ETV6: variants seen among roughly 807,000 people sequenced by gnomAD.
ETV6 encodes ETS variant transcription factor 6.
A neutral mutation model predicts 51.1 loss-of-function variants in ETV6; 16 were observed. The ratio of observed to expected loss-of-function variants is 0.31; its 90% CI spans 0.21 to 0.48. The LOEUF (loss-of-function observed/expected upper bound fraction) is 0.48. Ranked by LOEUF, ETV6 falls within the 20% of genes least tolerant of loss-of-function variation. The probability of loss-of-function intolerance (pLI) is 0.99; values close to 1 mark genes in which losing one functional copy is unlikely to be tolerated. For missense variants in ETV6, 458 were observed against 594.8 expected (o/e 0.77, Z 2.39); for synonymous variants, 240 against 224.1 (o/e 1.07, Z -0.64).
chr12:11,871,293 A>G (rs557229545), intron 5 of ETV6, among the ~76,000 whole-genome samples: 45 of 146,858 alleles, frequency 3.1e-4, no homozygotes, highest in African/African-American at 3.3e-4. Context: ...GGTTCACGTC[A>G]TTCTCCTGCC....
intron 3 of ETV6, chr12:11,840,733 A>G (rs1264849846): frequency 2.8e-5 from 9 of 325,746 alleles, no homozygotes; most frequent in Non-Finnish European, 4.9e-5. Context: ...TTGAAAGTTT[A>G]TATCTTCAAA....
chr12:11,652,622 T>G (rs1363318377), intron 1 of ETV6, among the ~76,000 whole-genome samples: 2 of 152,208 alleles, frequency 1.3e-5, no homozygotes, highest in African/African-American at 2.4e-5. Context: ...CCTGAAACCG[T>G]CCTCACTTGC....
At chr12:11,769,381 A>G in intron 2 of ETV6, among the ~76,000 whole-genome samples, 1 of 152,158 alleles carries the variant, frequency 6.6e-6, no homozygotes, top group South Asian at 2.1e-4. Flanking sequence ...CAAGGCCAAA[A>G]TATTTCTTAA....
At chr12:11,841,599 A>G (rs1268416878) in intron 3 of ETV6, among the ~76,000 whole-genome samples, 2 of 152,230 alleles carry the variant, frequency 1.3e-5, no homozygotes, top group African/African-American at 4.8e-5. Flanking sequence ...AGGTGGCAAT[A>G]GAAATTCATT....
intron 3 of ETV6, among the ~76,000 whole-genome samples, chr12:11,850,908 C>T (rs1233260747): frequency 2.0e-5 from 3 of 152,250 alleles, no homozygotes; most frequent in African/African-American, 7.2e-5. Flanking sequence ...CCAGAAGCAG[C>T]CACCAAGAGG....
chr12:11,715,393 C>G (rs918962090), intron 1 of ETV6, among the ~76,000 whole-genome samples: 1 of 152,150 alleles, frequency 6.6e-6, no homozygotes, highest in African/African-American at 2.4e-5. Context: ...TTACTAGATA[C>G]ATAGTGAGTG....
chr12:11,692,778 G>A lies in ETV6; in HGVS notation c.33+42618G>A, dbSNP rs1026350881. Among the ~76,000 whole-genome samples, 17 of 152,252 alleles carry A rather than the reference G, an allele frequency of 1.1e-4. No individual in the cohort carries two copies. The East Asian group carries it at 2.9e-3, about 26-fold the overall frequency. On this transcript the variant is annotated intron_variant, in intron 1 of 7. Transcript: ENST00000396373. Reference sequence around the variant, plus strand: ...TTTAGAATGCGTTATGAGGCCAGGCGTGGTGGTTCACGCCTGTAATCGCAG... The same window carrying A: ...TTTAGAATGCGTTATGAGGCCAGGCATGGTGGTTCACGCCTGTAATCGCAG...
Position 11,894,387 on chromosome 12 carries a change from G to C in ETV6, c.*3341G>C. On this transcript the variant is annotated 3_prime_UTR_variant, in exon 8 of 8. Coordinates refer to ENST00000396373, the MANE Select transcript of ETV6 (RefSeq NM_001987.5). ...AGAAGAAAGCACTGGTAATTGGCTA[G>C]ACTGGCTATGTTGAAGGTAACATGA... 4.3e-6 allele frequency: 1 copy of C among 232,658 alleles called. No homozygotes were observed. The highest frequency in any genetic ancestry group is 8.5e-6 in the Non-Finnish European group (1 of 117,912). 14.4% of individuals were successfully genotyped at this position (232,658 alleles called of 1,614,324 possible). A position where few individuals can be genotyped will look rare whatever the true frequency, so the allele number is the denominator to read the frequency against.
chr12:11,774,597 A>G (rs3802993), intron 2 of ETV6, among the ~76,000 whole-genome samples: 10,827 of 152,246 alleles, frequency 0.071, 747 homozygotes, highest in East Asian at 0.34. Context: ...AGAGGAATAA[A>G]CAAATGTAAA....
chr12:11,862,926 A>G (rs915569527), intron 4 of ETV6, among the ~76,000 whole-genome samples: 2 of 152,142 alleles, frequency 1.3e-5, no homozygotes, highest in East Asian at 3.9e-4. Flanking sequence ...CATACTTCCC[A>G]CTAATTTTTA....
chr12:11,735,220 C>G (rs1010167922), intron 1 of ETV6, among the ~76,000 whole-genome samples: 1 of 150,238 alleles, frequency 6.7e-6, no homozygotes, highest in Non-Finnish European at 1.5e-5. Flanking sequence ...CTGTAGTAGA[C>G]CCACCAACAT....
intron 1 of ETV6, among the ~76,000 whole-genome samples, chr12:11,704,841 A>T (rs1865043827): frequency 6.6e-6 from 1 of 152,114 alleles, no homozygotes; most frequent in East Asian, 1.9e-4. Context: ...AAAATTCCTA[A>T]TAGAATATAG....
At chr12:11,886,048 T>C in intron 7 of ETV6, 22 bp downstream of exon 7, 4 of 1,543,560 alleles carry the variant, frequency 2.6e-6, no homozygotes, top group African/African-American at 2.7e-5. Context: ...TTTTTCTCCT[T>C]TCCTTCTTTT....
chr12:11,751,743 A>G, intron 1 of ETV6: 1 of 410,756 alleles, frequency 2.4e-6, no homozygotes, highest in South Asian at 1.8e-5. Flanking sequence ...CTTTGAATGA[A>G]CTATGAAATA....
chr12:11,859,118 G>GCTTTTTTTT lies in ETV6; in HGVS notation c.463+5557_463+5558insCTTTTTTTT, dbSNP rs1565555150. 3.5e-3 allele frequency among the ~76,000 whole-genome samples: 145 copies of GCTTTTTTTT among 41,798 alleles called. 68 individuals are homozygous for GCTTTTTTTT. Among genetic ancestry groups the GCTTTTTTTT allele is most frequent in the African/African-American group, 7.2e-3 (103 of 14,396 alleles). 27.4% of individuals were successfully genotyped at this position (41,798 alleles called of 152,430 possible). ...TAAAGAAGATGAGGTATATGAATCT[G>GCTTTTTTTT]GTTTTTTTTTTTTTTTTTTTTTTTT... On this transcript the variant is annotated intron_variant, in intron 4 of 7. Coordinates refer to ENST00000396373, the MANE Select transcript of ETV6 (RefSeq NM_001987.5).
At chr12:11,743,682 T>G (rs1865852276) in intron 1 of ETV6, among the ~76,000 whole-genome samples, 1 of 152,216 alleles carries the variant, frequency 6.6e-6, no homozygotes, top group Non-Finnish European at 1.5e-5. Context: ...GCATGTGTGG[T>G]CCATTTAAGC....
chr12:11,780,879 G>A (rs745860019), intron 2 of ETV6, among the ~76,000 whole-genome samples: 4 of 152,154 alleles, frequency 2.6e-5, no homozygotes, highest in Admixed American at 6.5e-5. Flanking sequence ...TTGTTCTTAC[G>A]TCCTGTGGAA....
Position 11,835,909 on chromosome 12 carries a change from G to A in ETV6, c.164-3231G>A, listed in dbSNP as rs74060876. Among the ~76,000 whole-genome samples the A allele has an allele frequency of 8.2e-3, 1,248 of 152,334 alleles. 20 individuals are homozygous for A. The highest frequency in any genetic ancestry group is 0.029 in the African/African-American group (1,197 of 41,576). ...GCTTCTGTCATTACTAGGGTTATGTGACCTTGGGCAAGTCCCTTAAATGCG... is the reference window on the plus strand; with the variant it reads ...GCTTCTGTCATTACTAGGGTTATGTAACCTTGGGCAAGTCCCTTAAATGCG... On this transcript the variant is annotated intron_variant, in intron 2 of 7. Coordinates refer to ENST00000396373, the MANE Select transcript of ETV6 (RefSeq NM_001987.5).
chr12:11,741,633 G>A (rs538957433), intron 1 of ETV6, among the ~76,000 whole-genome samples: 5 of 152,304 alleles, frequency 3.3e-5, no homozygotes, highest in African/African-American at 4.8e-5. Context: ...ACTGCTTGGA[G>A]CAGTTGTTCA....
Sources: allele counts gnomAD v4.1 joint callset (sites outside exome capture counted in the v4.1 genomes callset), GRCh38; gene constraint gnomAD v4.1.1; transcripts MANE v1.5; gene names NCBI Gene and HGNC (gene_info 2026-07-23, HGNC 2026-07-21).